The following ANKDD1A variants were observed in gnomAD, a reference collection of about 807,000 sequenced individuals.
ANKDD1A encodes the protein ankyrin repeat and death domain containing 1A.
Under a neutral mutation model 63.5 loss-of-function variants are expected in ANKDD1A, and 59 were observed. That is an observed-to-expected ratio of 0.93 (90% CI 0.75 to 1.15). The LOEUF (loss-of-function observed/expected upper bound fraction) is 1.15. Among genes scored for constraint, ANKDD1A ranks in the 50% most tolerant of loss-of-function variants. The pLI, the probability that ANKDD1A is intolerant of heterozygous loss-of-function variation, is 0.00. For synonymous variants in ANKDD1A, 266 were observed against 263.9 expected (o/e 1.01, Z -0.08); for missense variants, 632 against 656.4 (o/e 0.96, Z 0.41).
intron 3 of ANKDD1A, 72 bp downstream of exon 3, chr15:64,917,586 G>A: frequency 6.7e-7 from 1 of 1,502,814 alleles, no homozygotes; most frequent in Non-Finnish European, 9.0e-7. Context: ...CTATGAGCCA[G>A]TTGCCGAGAT....
intron 14 of ANKDD1A, among the ~76,000 whole-genome samples, chr15:64,953,781 C>CTTTCTCT (rs1450859161): frequency 1.1e-4 from 15 of 140,222 alleles, no homozygotes; most frequent in Non-Finnish European, 1.2e-4. Context: ...TCCCTCTTTT[C>CTTTCTCT]TTTCTTCTGC....
intron 3 of ANKDD1A, chr15:64,919,861 C>T (rs2084995649): frequency 6.6e-6 from 1 of 152,658 alleles, no homozygotes; most frequent in South Asian, 2.1e-4. Flanking sequence ...CTCTGCTTCC[C>T]TCCTCTCTCC....
chr15:64,951,879 CTTT>C (rs2085290670), intron 14 of ANKDD1A, among the ~76,000 whole-genome samples: 1 of 105,586 alleles, frequency 9.5e-6, no homozygotes, highest in Non-Finnish European at 2.1e-5. Flanking sequence ...TTTCTTTCTT[CTTT>C]CCTTCTTTCT....
intron 14 of ANKDD1A, chr15:64,950,940 CTTGTTT>C (rs1231028669): frequency 7.9e-7 from 1 of 1,271,082 alleles, no homozygotes; most frequent in South Asian, 1.3e-5. Flanking sequence ...AAGTAAGATT[CTTGTTT>C]TTAACAGAAA....
In ANKDD1A at chr15:64,921,993, G is replaced by C. The variant is rs774900398; in HGVS notation, c.340G>C (p.Gly114Arg). 3.1e-6 allele frequency: 5 copies of C among 1,614,048 alleles called. No homozygotes were observed. The highest frequency in any genetic ancestry group is 4.2e-6 in the Non-Finnish European group (5 of 1,180,022). The stretch of plus-strand genomic sequence containing the variant: ...AATCCTCCAGATCTTGGTAAACTCA[G>C]GGGCCAAGATCCACTGTGAGAGCAA... ...LRILQILVNS[G>R]AKIHCESKDG... Residue 114 changes from glycine to arginine, a missense_variant, in exon 4 of 15, where the codon GGG (glycine) becomes CGG (arginine). Transcript: ENST00000319580.
intron 3 of ANKDD1A, among the ~76,000 whole-genome samples, chr15:64,919,519 C>T (rs574978263): frequency 3.3e-5 from 5 of 152,284 alleles, no homozygotes; most frequent in African/African-American, 9.6e-5. Flanking sequence ...AGGCTCTATG[C>T]GAGATCCAAC....
chr15:64,935,904 A>G (rs920179142), intron 9 of ANKDD1A, among the ~76,000 whole-genome samples: 1 of 152,166 alleles, frequency 6.6e-6, no homozygotes, highest in African/African-American at 2.4e-5. Context: ...AGGCAAGTTG[A>G]CAATAACTAT....
At chr15:64,947,358 G>C (rs910501021) in intron 12 of ANKDD1A, 46 bp from the exon 13 acceptor site, 1 of 1,586,136 alleles carries the variant, frequency 6.3e-7, no homozygotes. Flanking sequence ...GCCCCTGTCT[G>C]GGATCATGAG....
chr15:64,951,758 TTTCC>T (rs1252336383), intron 14 of ANKDD1A, among the ~76,000 whole-genome samples: 1 of 128,376 alleles, frequency 7.8e-6, no homozygotes, highest in African/African-American at 2.9e-5. Flanking sequence ...TTCTTCCTTC[TTTCC>T]TTTTCTTCTT....
intron 6 of ANKDD1A, among the ~76,000 whole-genome samples, chr15:64,928,662 G>T (rs1159372323): frequency 6.6e-6 from 1 of 152,164 alleles, no homozygotes; most frequent in Non-Finnish European, 1.5e-5. Flanking sequence ...TAGAATGCTA[G>T]GGAGGCTTTG....
chr15:64,940,962 C>T (rs1017295700), intron 9 of ANKDD1A, among the ~76,000 whole-genome samples: 11 of 152,144 alleles, frequency 7.2e-5, no homozygotes, highest in Non-Finnish European at 1.3e-4. Context: ...AGGCTGATCT[C>T]GAACTCCTGG....
intron 4 of ANKDD1A, among the ~76,000 whole-genome samples, chr15:64,922,761 C>T (rs1168044154): frequency 2.0e-5 from 3 of 152,146 alleles, no homozygotes; most frequent in Non-Finnish European, 4.4e-5. Flanking sequence ...CTTGCCTCAG[C>T]CCCCAGAGTA....
In ANKDD1A at chr15:64,957,847, G is replaced by T. The variant is rs1217746179; in HGVS notation, c.*659G>T. On this transcript the variant is annotated 3_prime_UTR_variant, in exon 15 of 15. Coordinates refer to ENST00000319580, the MANE Select transcript of ANKDD1A (RefSeq NM_182703.6). ...AACACGATACAGATCAGTGCATATA[G>T]TATATTACTAATAGTATGCTGTTAA... 2 of 152,094 alleles carry T rather than the reference G, an allele frequency of 1.3e-5. No homozygotes were observed. The highest frequency in any genetic ancestry group is 2.9e-5 in the Non-Finnish European group (2 of 68,012). The allele number at this position is 152,094 out of a possible 1,614,324, so 9.4% of individuals were successfully genotyped here. A position where few individuals can be genotyped will look rare whatever the true frequency, so the allele number is the denominator to read the frequency against.
At chr15:64,934,417 C>A (rs114247200) in intron 9 of ANKDD1A, among the ~76,000 whole-genome samples, 183 bp downstream of exon 9, 1,953 of 151,964 alleles carry the variant, frequency 0.013, 44 homozygotes, top group African/African-American at 0.044. Flanking sequence ...ATTAGAAACC[C>A]AGCTTGCTTG....
At chr15:64,938,727 G>A (rs2085155821) in intron 9 of ANKDD1A, among the ~76,000 whole-genome samples, 1 of 152,044 alleles carries the variant, frequency 6.6e-6, no homozygotes, top group South Asian at 2.1e-4. Flanking sequence ...TGAGGTGAGT[G>A]GATCACTTGA....
In ANKDD1A at chr15:64,953,020, C is replaced by T. The variant is rs116438845; in HGVS notation, c.1483+3048C>T. ...TTCTTAGTTCTTTCTTCTCCTTGTTCTTCTCCTCCTTCTTCCTTTCTTCTT... is the reference window on the plus strand; with the variant it reads ...TTCTTAGTTCTTTCTTCTCCTTGTTTTTCTCCTCCTTCTTCCTTTCTTCTT... On this transcript the variant is annotated intron_variant, in intron 14 of 14. Coordinates refer to ENST00000319580, the MANE Select transcript of ANKDD1A (RefSeq NM_182703.6). Among the ~76,000 whole-genome samples, 382 of 121,586 alleles carry T rather than the reference C, an allele frequency of 3.1e-3. 12 individuals are homozygous for T. The highest frequency in any genetic ancestry group is 0.011 in the African/African-American group (369 of 32,778). 79.8% of individuals were successfully genotyped at this position (121,586 alleles called of 152,430 possible). A position where few individuals can be genotyped will look rare whatever the true frequency, so the allele number is the denominator to read the frequency against.
chr15:64,944,129 C>T (rs927043818), intron 11 of ANKDD1A, among the ~76,000 whole-genome samples: 2 of 152,178 alleles, frequency 1.3e-5, no homozygotes, highest in African/African-American at 2.4e-5. Flanking sequence ...GATCCTGAAG[C>T]TGGACCTGGG....
At chr15:64,951,342 T>C in intron 14 of ANKDD1A, 5 of 574,532 alleles carry the variant, frequency 8.7e-6, no homozygotes, top group Non-Finnish European at 1.0e-5. Context: ...TTTTCTTTCT[T>C]CTTTCCTCTT....
intron 9 of ANKDD1A, 40 bp from the exon 10 acceptor site, chr15:64,942,427 G>A: frequency 6.6e-7 from 1 of 1,505,100 alleles, no homozygotes; most frequent in Non-Finnish European, 9.1e-7. Context: ...GGCAGTCCTG[G>A]GAGGGACTGG....
Sources: allele counts gnomAD v4.1 joint callset (sites outside exome capture counted in the v4.1 genomes callset), GRCh38; gene constraint gnomAD v4.1.1; transcripts MANE v1.5; gene names NCBI Gene and HGNC (gene_info 2026-07-23, HGNC 2026-07-21).